The following PIK3R5 variants were observed in gnomAD, a reference collection of about 807,000 sequenced individuals.
The protein encoded by PIK3R5 is phosphoinositide-3-kinase regulatory subunit 5.
Under a neutral mutation model 94.9 loss-of-function variants are expected in PIK3R5, and 32 were observed. The ratio of observed to expected loss-of-function variants is 0.34; its 90% CI spans 0.25 to 0.45. The LOEUF (loss-of-function observed/expected upper bound fraction) is 0.45, where lower values mean the gene tolerates loss of function less well. Among genes scored for constraint, PIK3R5 ranks in the 20% least tolerant of loss-of-function variants. PIK3R5 has a pLI of 1.00. For missense variants in PIK3R5, 853 were observed against 1,144.6 expected (o/e 0.75, Z 3.68); for synonymous variants, 443 against 479.4 (o/e 0.92, Z 0.99).
At chr17:8,886,847 G>A (rs1197199826) in intron 12 of PIK3R5, among the ~76,000 whole-genome samples, 1 of 152,148 alleles carries the variant, frequency 6.6e-6, no homozygotes, top group African/African-American at 2.4e-5. Flanking sequence ...GAGGAAGGGG[G>A]CTGAAATCTG....
chr17:8,939,737 C>G (rs964962251), intron 1 of PIK3R5, among the ~76,000 whole-genome samples: 1 of 152,194 alleles, frequency 6.6e-6, no homozygotes, highest in African/African-American at 2.4e-5. Context: ...TTCACGGATG[C>G]CTGGCTGAGA....
intron 5 of PIK3R5, among the ~76,000 whole-genome samples, chr17:8,895,305 CT>C (rs2090129003): frequency 6.6e-6 from 1 of 152,154 alleles, no homozygotes; most frequent in African/African-American, 2.4e-5. Context: ...CTGTTTAATG[CT>C]TTTAACATTA....
At chr17:8,922,410 T>C (rs2090770428) in intron 1 of PIK3R5, among the ~76,000 whole-genome samples, 1 of 152,156 alleles carries the variant, frequency 6.6e-6, no homozygotes, top group Non-Finnish European at 1.5e-5. Context: ...TCACATTTCC[T>C]GCAGCTCAGG....
chr17:8,960,012 C>CA (rs1795653627), intron 1 of PIK3R5, among the ~76,000 whole-genome samples: 1 of 152,142 alleles, frequency 6.6e-6, no homozygotes, highest in African/African-American at 2.4e-5. Flanking sequence ...GAGGCCCCCC[C>CA]ATTAGTATTG....
intron 1 of PIK3R5, among the ~76,000 whole-genome samples, chr17:8,959,118 C>T (rs1401511427): frequency 6.6e-6 from 1 of 152,064 alleles, no homozygotes; most frequent in Non-Finnish European, 1.5e-5. Flanking sequence ...GTGAGAAATC[C>T]AACAACAGAG....
intron 15 of PIK3R5, among the ~76,000 whole-genome samples, chr17:8,883,971 C>T (rs1277959243): frequency 1.3e-5 from 2 of 152,214 alleles, no homozygotes; most frequent in Non-Finnish European, 2.9e-5. Context: ...CCCAACACCA[C>T]CGTCCATCTG....
At chr17:8,947,953 G>A (rs868620908) in intron 1 of PIK3R5, among the ~76,000 whole-genome samples, 4 of 146,360 alleles carry the variant, frequency 2.7e-5, no homozygotes, top group Admixed American at 1.4e-4. Context: ...TGAAGCAAGA[G>A]AATGGTGTGA....
intron 1 of PIK3R5, among the ~76,000 whole-genome samples, chr17:8,914,625 T>A (rs1280490764): frequency 3.3e-5 from 5 of 152,184 alleles, no homozygotes; most frequent in Non-Finnish European, 7.3e-5. Context: ...CAGACTGGGA[T>A]GCCCAAAGCT....
chr17:8,909,065 C>G lies in PIK3R5; in HGVS notation c.204+9G>C. On this transcript the variant is annotated intron_variant, in intron 3 of 18. Coordinates refer to ENST00000447110, the MANE Select transcript of PIK3R5 (RefSeq NM_001142633.3). This position sits in a 1 kb window ranked among gnomAD's most constrained non-coding sequence, Gnocchi z 4.3. Reference sequence around the variant, plus strand: ...CAGATCTGCCCTTCAATTCCTGACTCCCCCTCACCTCTCGGGTCTTCTGCA... The same window carrying G: ...CAGATCTGCCCTTCAATTCCTGACTGCCCCTCACCTCTCGGGTCTTCTGCA... The G allele has an allele frequency of 6.4e-7, 1 of 1,568,574 alleles. No individual in the cohort carries two copies. The highest frequency in any genetic ancestry group is 1.1e-5 in the South Asian group (1 of 88,338).
chr17:8,933,317 A>T (rs1447607071), intron 1 of PIK3R5, among the ~76,000 whole-genome samples: 2 of 152,194 alleles, frequency 1.3e-5, no homozygotes, highest in African/African-American at 4.8e-5. Flanking sequence ...CTATAAAAAT[A>T]ATCAAAGGGT....
chr17:8,946,176 T>C (rs2091266699), intron 1 of PIK3R5, among the ~76,000 whole-genome samples: 1 of 146,792 alleles, frequency 6.8e-6, no homozygotes, highest in African/African-American at 2.5e-5. Context: ...CACAGCAATG[T>C]ATCTGGAACA....
At chr17:8,883,048 A>G (rs148036019) in intron 15 of PIK3R5, among the ~76,000 whole-genome samples, 33 of 152,356 alleles carry the variant, frequency 2.2e-4, no homozygotes, top group African/African-American at 7.7e-4. Context: ...CTTAATGGAT[A>G]TCCACTGCTC....
At chr17:8,918,862 T>C (rs986298541) in intron 1 of PIK3R5, among the ~76,000 whole-genome samples, 2 of 152,240 alleles carry the variant, frequency 1.3e-5, no homozygotes, top group African/African-American at 2.4e-5. Flanking sequence ...CCTGCTGTAA[T>C]GCACTGAGAA....
At chr17:8,914,192 G>T (rs2090587642) in intron 1 of PIK3R5, among the ~76,000 whole-genome samples, 1 of 152,160 alleles carries the variant, frequency 6.6e-6, no homozygotes, top group African/African-American at 2.4e-5. Flanking sequence ...CCCAGAGCAG[G>T]TTCTTGGAGG....
Position 8,886,245 on chromosome 17 carries a change from A to T in PIK3R5, c.2112T>A (p.Arg704=). ...AGTACCCACCTGACGCCTTGATGGC[A>T]CGTGTGGCAGCGGAGTGACCCAGCT... ...SLELGHSAAT[R]AIKASGPGSK... Residue 704 remains arginine, a synonymous_variant, in exon 14 of 19, where the codon CGT becomes CGA. Transcript: ENST00000447110. 6.2e-7 allele frequency: 1 copy of T among 1,612,936 alleles called. No homozygotes were observed.
chr17:8,956,423 C>T (rs543518731), intron 1 of PIK3R5, among the ~76,000 whole-genome samples: 1 of 152,234 alleles, frequency 6.6e-6, no homozygotes, highest in African/African-American at 2.4e-5. Flanking sequence ...CTGCTCAGCC[C>T]ATCAGAGCAG....
rs576600080 is a variant in PIK3R5, at chr17:8,904,654, G to T, written c.412+123C>A. 1 of 904,624 alleles carries T rather than the reference G, an allele frequency of 1.1e-6. No individual in the cohort carries two copies. Among genetic ancestry groups the T allele is most frequent in the Non-Finnish European group, 1.7e-6 (1 of 578,528 alleles). 56.0% of individuals were successfully genotyped at this position (904,624 alleles called of 1,614,324 possible). A position where few individuals can be genotyped will look rare whatever the true frequency, so the allele number is the denominator to read the frequency against. On this transcript the variant is annotated intron_variant, in intron 5 of 18. Coordinates refer to ENST00000447110, the MANE Select transcript of PIK3R5 (RefSeq NM_001142633.3). The surrounding 1 kb of genome is among the most constrained non-coding windows in gnomAD (Gnocchi z 5.1). Reference sequence around the variant, plus strand: ...GGAGACTCCATGTTTGTGAACCAAGGCGTTGGCAGAGATGAATCAAAGGAT... The same window carrying T: ...GGAGACTCCATGTTTGTGAACCAAGTCGTTGGCAGAGATGAATCAAAGGAT...
At chr17:8,903,577 G>A (rs1292686725) in intron 5 of PIK3R5, among the ~76,000 whole-genome samples, 2 of 150,808 alleles carry the variant, frequency 1.3e-5, no homozygotes, top group East Asian at 1.9e-4. Flanking sequence ...TTGTGGTTAC[G>A]TTTACTTTCC....
At chr17:8,943,030 T>A (rs1410588294) in intron 1 of PIK3R5, among the ~76,000 whole-genome samples, 1 of 151,360 alleles carries the variant, frequency 6.6e-6, no homozygotes, top group Non-Finnish European at 1.5e-5. Flanking sequence ...GCTGTGGACA[T>A]CATAGCACAT....
Sources: allele counts gnomAD v4.1 joint callset (sites outside exome capture counted in the v4.1 genomes callset), GRCh38; gene constraint gnomAD v4.1.1; non-coding constraint Gnocchi (gnomAD v3.1); transcripts MANE v1.5; gene names NCBI Gene and HGNC (gene_info 2026-07-23, HGNC 2026-07-21).